The following DISP2 variants were observed in gnomAD, a reference collection of about 807,000 sequenced individuals.
DISP2 encodes dispatched RND transporter family member 2.
Under a neutral mutation model 95.5 loss-of-function variants are expected in DISP2, and 59 were observed. The ratio of observed to expected loss-of-function variants is 0.62; its 90% CI spans 0.50 to 0.77. The LOEUF is 0.77. DISP2 is among the 30% of genes least tolerant of loss of function. The probability of loss-of-function intolerance (pLI) is 0.00; values close to 1 mark genes in which losing one functional copy is unlikely to be tolerated. For missense variants in DISP2, 1,752 were observed against 1,854.6 expected, an observed-to-expected ratio of 0.94 and a Z score of 1.02; for synonymous variants, 827 against 815.0, an observed-to-expected ratio of 1.01 and a Z score of -0.25.
chr15:40,377,929 G>C lies in DISP2; in HGVS notation c.*7611G>C, dbSNP rs1889752217. 6.6e-6 allele frequency: 1 copy of C among 152,226 alleles called. No homozygotes were observed. The highest frequency in any genetic ancestry group is 2.1e-4 in the South Asian group (1 of 4,832). The allele number at this position is 152,226 out of a possible 1,614,324, so 9.4% of individuals were successfully genotyped here. On this transcript the variant is annotated 3_prime_UTR_variant, in exon 8 of 8. Transcript: ENST00000267889. ...CTTGCCTCGTAGTGGGGATTCATTA[G>C]CCCTAGTTTAAACATTGCTGGAACC...
At chr15:40,364,724 G>C in intron 4 of DISP2, 114 bp from the exon 5 acceptor site, 1 of 1,392,580 alleles carries the variant, frequency 7.2e-7, no homozygotes, top group Non-Finnish European at 9.7e-7. Flanking sequence ...CCACAATTCA[G>C]GCAGGCGGGC....
rs1005498779 is a variant in DISP2 at position 40,370,835 on chromosome 15, T to G, written c.*517T>G. 1 of 344,174 alleles carries G rather than the reference T, an allele frequency of 2.9e-6. No homozygotes were observed. Among genetic ancestry groups the G allele is most frequent in the Non-Finnish European group, 5.8e-6 (1 of 171,190 alleles). The allele number at this position is 344,174 out of a possible 1,614,324, so 21.3% of individuals were successfully genotyped here. The stretch of plus-strand genomic sequence containing the variant: ...CTTTTGGGAGCTTCTCTGGGCAGAA[T>G]TGGGCTGGGACCTCTCTCCCCAACT... On this transcript the variant is annotated 3_prime_UTR_variant, in exon 8 of 8. Transcript: ENST00000267889.
chr15:40,370,401 G>A lies in DISP2; in HGVS notation c.*83G>A. 1.3e-6 allele frequency: 2 copies of A among 1,497,568 alleles called. No homozygotes were observed. The highest frequency in any genetic ancestry group is 1.8e-6 in the Non-Finnish European group (2 of 1,129,470). 92.8% of individuals were successfully genotyped at this position (1,497,568 alleles called of 1,614,324 possible). A position where few individuals can be genotyped will look rare whatever the true frequency, so the allele number is the denominator to read the frequency against. On this transcript the variant is annotated 3_prime_UTR_variant, in exon 8 of 8. Coordinates refer to ENST00000267889, the MANE Select transcript of DISP2 (RefSeq NM_033510.3). Reference sequence around the variant, plus strand: ...GGCAGCAATAGGCTGGAGCCCGAAGGTATTTCTCCAGATCCACAGGGAGAG... The same window carrying A: ...GGCAGCAATAGGCTGGAGCCCGAAGATATTTCTCCAGATCCACAGGGAGAG...
intron 1 of DISP2, among the ~76,000 whole-genome samples, chr15:40,360,224 C>T (rs972908060): frequency 6.6e-5 from 10 of 152,206 alleles, no homozygotes; most frequent in Non-Finnish European, 1.2e-4. Flanking sequence ...GGAAGTTACT[C>T]ATCCCAGTGA....
intron 6 of DISP2, 124 bp downstream of exon 6, chr15:40,365,398 G>A (rs1889481294): frequency 1.4e-6 from 2 of 1,474,996 alleles, no homozygotes; most frequent in Admixed American, 4.6e-5. Flanking sequence ...CCACAGTCAA[G>A]CCAAGGAAGC....
At position 40,369,685 on chromosome 15, in the gene DISP2, A is replaced by T. The variant is rs758974124; in HGVS notation, c.3573A>T (p.Val1191=). ...GCAAGCTGTCCCACCGGCCCTCAGT[A>T]CTCTCTGAGGATCTGCAGCTCCATG... ...ATSKLSHRPS[V]LSEDLQLHDG... The change falls in exon 8 of 8, where the codon GTA becomes GTT. Residue 1191 remains valine, a synonymous_variant. Transcript: ENST00000267889. 6.2e-7 allele frequency: 1 copy of T among 1,611,712 alleles called. No individual in the cohort carries two copies. Among genetic ancestry groups the T allele is most frequent in the Admixed American group, 1.7e-5 (1 of 60,008 alleles).
In DISP2 at chr15:40,368,095, G is replaced by C; in HGVS notation, c.1983G>C (p.Glu661Asp). Residue 661 changes from glutamate (E) to aspartate (D), a missense_variant, in exon 8 of 8, where the codon GAG (glutamate) becomes GAC (aspartate). Glu to Asp is a conservative substitution (Grantham distance 45). This residue lies in a region of DISP2 where 732 missense variants were observed against 714.6 expected (regional missense o/e 1.02). Coordinates refer to ENST00000267889, the MANE Select transcript of DISP2 (RefSeq NM_033510.3). The part of the protein sequence containing the change: ...GCARRARGRW[E>D]GSAPRRLLLA... ...CGCGCCGGGCGCGGGGCCGGTGGGA[G>C]GGCAGCGCGCCCCGGCGGCTACTGC... The C allele has an allele frequency of 7.4e-7, 1 of 1,356,166 alleles. No individual in the cohort carries two copies. The highest frequency in any genetic ancestry group is 9.4e-7 in the Non-Finnish European group (1 of 1,064,422). 84.0% of individuals were successfully genotyped at this position (1,356,166 alleles called of 1,614,324 possible). A position where few individuals can be genotyped will look rare whatever the true frequency, so the allele number is the denominator to read the frequency against.
intron 1 of DISP2, among the ~76,000 whole-genome samples, chr15:40,358,663 C>T (rs188846677): frequency 2.0e-5 from 3 of 152,158 alleles, no homozygotes; most frequent in Non-Finnish European, 2.9e-5. Context: ...CCATCGCCCT[C>T]CCCGCTTAGG....
In DISP2 at chr15:40,367,947, T is replaced by G. The variant is rs768177070; in HGVS notation, c.1835T>G (p.Leu612Arg). 1.3e-6 allele frequency: 2 copies of G among 1,584,138 alleles called. No homozygotes were observed. The highest frequency in any genetic ancestry group is 1.7e-6 in the Non-Finnish European group (2 of 1,173,290). Residue 612 changes from leucine (L) to arginine (R), a missense_variant, in exon 8 of 8, where the codon CTG becomes CGG. Transcript: ENST00000267889. Reference protein sequence around the residue: ...AAFYASYLSRLPAVRCLALFM... With the variant: ...AAFYASYLSRRPAVRCLALFM... ...TTCTATGCCAGCTACCTGAGCCGCC[T>G]GCCGGCCGTTCGCTGCCTCGCCCTC...
intron 1 of DISP2, among the ~76,000 whole-genome samples, chr15:40,362,164 C>T (rs2141259091): frequency 6.6e-6 from 1 of 152,320 alleles, no homozygotes; most frequent in Admixed American, 6.5e-5. Context: ...GTCCCAACTC[C>T]CTCTCCCAAC....
rs1019316706 is a variant in DISP2, at chr15:40,371,977, A to G, written c.*1659A>G. 1 of 152,152 alleles carries G rather than the reference A, an allele frequency of 6.6e-6. No homozygotes were observed. Among genetic ancestry groups the G allele is most frequent in the African/African-American group, 2.4e-5 (1 of 41,428 alleles). 9.4% of individuals were successfully genotyped at this position (152,152 alleles called of 1,614,324 possible). A position where few individuals can be genotyped will look rare whatever the true frequency, so the allele number is the denominator to read the frequency against. ...AACAAGAAAGGCTTTCTGGAGGAGG[A>G]AAAACTTGAGCTGGGCTTCAGAAGA... On this transcript the variant is annotated 3_prime_UTR_variant, in exon 8 of 8. Transcript: ENST00000267889.
At position 40,358,438 on chromosome 15, in the gene DISP2, C is replaced by G. The variant is rs1889353248; in HGVS notation, c.117C>G (p.Asp39Glu). The G allele has an allele frequency of 1.5e-6, 2 of 1,314,626 alleles. No individual in the cohort carries two copies. Among genetic ancestry groups the G allele is most frequent in the South Asian group, 2.0e-5 (1 of 49,350 alleles). 81.4% of individuals were successfully genotyped at this position (1,314,626 alleles called of 1,614,324 possible). A position where few individuals can be genotyped will look rare whatever the true frequency, so the allele number is the denominator to read the frequency against. Residue 39 changes from aspartate (D) to glutamate (E), a missense_variant and splice_region_variant, in exon 1 of 8, where the codon GAC (aspartate) becomes GAG (glutamate). This residue lies in a region of DISP2 where 342 missense variants were observed against 364.3 expected (regional missense o/e 0.94). Coordinates refer to ENST00000267889, the MANE Select transcript of DISP2 (RefSeq NM_033510.3). ...TGGCCCCAGACGGCGGCTCCCCGGA[C>G]AGGTAGGGCGGACAGCTCCGCAGAT... The part of the protein sequence containing the change: ...EPLAPDGGSP[D>E]STQTKAVPPE...
chr15:40,358,296 C>T lies in DISP2; in HGVS notation c.-26C>T, dbSNP rs1889347764. 1 of 1,267,158 alleles carries T rather than the reference C, an allele frequency of 7.9e-7. No individual in the cohort carries two copies. Among genetic ancestry groups the T allele is most frequent in the Non-Finnish European group, 9.9e-7 (1 of 1,011,490 alleles). The allele number at this position is 1,267,158 out of a possible 1,614,324, so 78.5% of individuals were successfully genotyped here. ...CGCCGCCGCGGCTTCAGCACCAGCG[C>T]CCGGACAGCGGTGCCGCCCACGGGC... On this transcript the variant is annotated 5_prime_UTR_variant, in exon 1 of 8. Transcript: ENST00000267889.
intron 1 of DISP2, among the ~76,000 whole-genome samples, chr15:40,362,419 C>A (rs1159400814): frequency 6.6e-6 from 1 of 152,240 alleles, no homozygotes; most frequent in Non-Finnish European, 1.5e-5. Context: ...TCTTCTTCAT[C>A]CTAGCACCAC....
rs766586003 is a variant in DISP2 at position 40,367,849 on chromosome 15, G to A, written c.1737G>A (p.Ala579=). 3 of 1,600,524 alleles carry A rather than the reference G, an allele frequency of 1.9e-6. No homozygotes were observed. Among genetic ancestry groups the A allele is most frequent in the African/African-American group, 1.3e-5 (1 of 75,036 alleles). ...SKSQLPSGGL[A]QRVGRTMHHF... ...GCCAGCTGCCGTCGGGGGGGCTGGC[G>A]CAGCGCGTGGGCCGCACCATGCACC... The change falls in exon 8 of 8, where the codon GCG becomes GCA. Residue 579 remains alanine (A), a synonymous_variant. Coordinates refer to ENST00000267889, the MANE Select transcript of DISP2 (RefSeq NM_033510.3).
At position 40,365,674 on chromosome 15, in the gene DISP2, C is replaced by A. The variant is rs1566915194; in HGVS notation, c.894C>A (p.Ser298Arg). 1 of 1,614,122 alleles carries A rather than the reference C, an allele frequency of 6.2e-7. No individual in the cohort carries two copies. The highest frequency in any genetic ancestry group is 1.1e-5 in the South Asian group (1 of 91,076). The change falls in exon 7 of 8, where the codon AGC (serine) becomes AGA (arginine). Residue 298 changes from serine to arginine, a missense_variant. By Grantham distance (110) the Ser-to-Arg change is moderately radical (BLOSUM62 -1). Coordinates refer to ENST00000267889, the MANE Select transcript of DISP2 (RefSeq NM_033510.3). ...TGTTCATGTCCACCTCCTCGGGCAGCCTATGGAACCTGCATGCCATCCATT... is the reference window on the plus strand; with the variant it reads ...TGTTCATGTCCACCTCCTCGGGCAGACTATGGAACCTGCATGCCATCCATT... ...KLVFMSTSSG[S>R]LWNLHAIHSM...
intron 4 of DISP2, 113 bp downstream of exon 4, chr15:40,364,657 G>A: frequency 6.6e-7 from 1 of 1,510,726 alleles, no homozygotes; most frequent in Non-Finnish European, 8.9e-7. Flanking sequence ...GGTAGCCATG[G>A]TAGGCTCTTG....
At chr15:40,366,657 T>C (rs944092592) in intron 7 of DISP2, among the ~76,000 whole-genome samples, 1 of 152,252 alleles carries the variant, frequency 6.6e-6, no homozygotes, top group Non-Finnish European at 1.5e-5. Flanking sequence ...AGCTGGGTTT[T>C]GGCAGTGACC....
intron 7 of DISP2, 62 bp downstream of exon 7, chr15:40,365,787 C>A: frequency 6.5e-7 from 1 of 1,529,598 alleles, no homozygotes; most frequent in Non-Finnish European, 9.0e-7. Flanking sequence ...GGAACTGATC[C>A]CAAGGAAATA....
Sources: gnomAD v4.1 joint callset for allele counts (sites outside exome capture counted in the v4.1 genomes callset) on GRCh38, gnomAD v4.1.1 for gene constraint, gnomAD v4.1.1 regional missense constraint, MANE v1.5 for transcripts, NCBI Gene and HGNC (gene_info 2026-07-23, HGNC 2026-07-21) for gene names.